Variants in PRKN observed in about 807,000 individuals in gnomAD.
PRKN encodes parkin RBR E3 ubiquitin protein ligase.
A neutral mutation model predicts 59.5 loss-of-function variants in PRKN; 56 were observed. The observed-to-expected ratio is 0.94, with a 90% CI of 0.76 to 1.18. The LOEUF is 1.18. Among genes scored for constraint, PRKN ranks in the 50% most tolerant of loss-of-function variants. The probability of loss-of-function intolerance (pLI) is 0.00; values close to 1 mark genes in which losing one functional copy is unlikely to be tolerated. For synonymous variants in PRKN, 250 were observed against 222.1 expected (o/e 1.13, Z -1.12); for missense variants, 657 against 596.4 (o/e 1.10, Z -1.06).
chr6:162,727,344 T>A, intron 1 of PRKN: 2 of 293,802 alleles, frequency 6.8e-6, no homozygotes, highest in East Asian at 9.7e-5. Flanking sequence ...GGAGAAGGCT[T>A]CGGGACCCCA....
At chr6:161,431,862 G>A (rs996222050) in intron 9 of PRKN, among the ~76,000 whole-genome samples, 2 of 152,066 alleles carry the variant, frequency 1.3e-5, no homozygotes, top group Admixed American at 6.5e-5. Flanking sequence ...ATCCACACCC[G>A]CCTTAGCCTC....
intron 1 of PRKN, among the ~76,000 whole-genome samples, chr6:162,604,728 C>A (rs576535207): frequency 1.4e-5 from 2 of 145,850 alleles, no homozygotes; most frequent in African/African-American, 2.5e-5. Flanking sequence ...TTAGACCCTG[C>A]CATTCATTTT....
At chr6:162,658,290 T>C (rs1037403975) in intron 1 of PRKN, among the ~76,000 whole-genome samples, 10 of 152,226 alleles carry the variant, frequency 6.6e-5, no homozygotes, top group African/African-American at 2.2e-4. Context: ...AATAAAATGC[T>C]TGTGAAGAGT....
At chr6:162,699,694 C>CAAT (rs1778085655) in intron 1 of PRKN, among the ~76,000 whole-genome samples, 1 of 152,052 alleles carries the variant, frequency 6.6e-6, no homozygotes, top group African/African-American at 2.4e-5. Flanking sequence ...ACTCTGAAGA[C>CAAT]AATACCCCAA....
chr6:161,794,635 C>A (rs1434229838), intron 6 of PRKN, among the ~76,000 whole-genome samples: 1 of 152,094 alleles, frequency 6.6e-6, no homozygotes, highest in East Asian at 1.9e-4. Context: ...GAATGTCTTT[C>A]CCTCTTTCCC....
rs376778863 is a variant in PRKN at position 162,436,613 on chromosome 6, CTCATT to C, written c.171+6692_171+6696del. On this transcript the variant is annotated intron_variant, in intron 2 of 11. Coordinates refer to ENST00000366898, the MANE Select transcript of PRKN (RefSeq NM_004562.3). ...GCATGAGCCACTGTGCCCGATCTGG[CTCATT>C]TATTTCCTAAAATTATAATGTATGA... is the stretch of plus-strand genomic sequence containing the variant. Among the ~76,000 whole-genome samples, 26 of 139,392 alleles carry C rather than the reference CTCATT, an allele frequency of 1.9e-4. No homozygotes were observed. The East Asian group carries it at 5.1e-3, about 27-fold the overall frequency. 91.4% of individuals were successfully genotyped at this position (139,392 alleles called of 152,430 possible).
At chr6:162,122,103 G>A (rs949517324) in intron 4 of PRKN, among the ~76,000 whole-genome samples, 5 of 152,148 alleles carry the variant, frequency 3.3e-5, no homozygotes, top group Non-Finnish European at 7.3e-5. Flanking sequence ...TCTCAAGGGG[G>A]TTCACTGCAG....
intron 2 of PRKN, among the ~76,000 whole-genome samples, chr6:162,328,073 C>A (rs1783381703): frequency 8.5e-6 from 1 of 116,982 alleles, no homozygotes; most frequent in South Asian, 2.9e-4. Flanking sequence ...TCAAACAGCA[C>A]CACTAGGTCG....
intron 1 of PRKN, among the ~76,000 whole-genome samples, chr6:162,572,364 A>T (rs1053446097): frequency 6.6e-6 from 1 of 152,220 alleles, no homozygotes; most frequent in Non-Finnish European, 1.5e-5. Flanking sequence ...CAGAAAACAT[A>T]TCCAAGACTT....
intron 5 of PRKN, among the ~76,000 whole-genome samples, chr6:161,976,344 G>T (rs1334846072): frequency 6.6e-6 from 1 of 152,152 alleles, no homozygotes; most frequent in African/African-American, 2.4e-5. Context: ...AATATCAGCC[G>T]GTCCTCACAC....
chr6:161,944,153 G>GGGACCAGCCTGAGGGATCAGC (rs1779695608), intron 6 of PRKN, among the ~76,000 whole-genome samples: 1 of 140,918 alleles, frequency 7.1e-6, no homozygotes, highest in African/African-American at 2.8e-5. Context: ...GAGGAATCTG[G>GGGACCAGCCTGAGGGATCAGC]CTGCAGGGAA....
intron 2 of PRKN, among the ~76,000 whole-genome samples, chr6:162,427,881 T>C (rs1789318037): frequency 6.6e-6 from 1 of 152,150 alleles, no homozygotes; most frequent in East Asian, 1.9e-4. Flanking sequence ...ACATAGTTGA[T>C]AATGACAAAT....
At chr6:161,489,484 C>T (rs558404605) in intron 9 of PRKN, among the ~76,000 whole-genome samples, 7 of 152,154 alleles carry the variant, frequency 4.6e-5, no homozygotes, top group East Asian at 1.9e-4. Flanking sequence ...ACTTGAACTC[C>T]GGAGGGCAGA....
chr6:162,596,445 A>G (rs1351942267), intron 1 of PRKN, among the ~76,000 whole-genome samples: 2 of 152,228 alleles, frequency 1.3e-5, no homozygotes, highest in Non-Finnish European at 2.9e-5. Flanking sequence ...CTATAATTTG[A>G]TAAGTAGATC....
chr6:161,594,465 C>T (rs549958212), intron 7 of PRKN, among the ~76,000 whole-genome samples: 34 of 152,302 alleles, frequency 2.2e-4, no homozygotes, highest in South Asian at 1.2e-3. Flanking sequence ...CACACCTCTT[C>T]CCTTTGAACA....
At chr6:162,032,723 A>G (rs960411561) in intron 5 of PRKN, among the ~76,000 whole-genome samples, 3 of 152,206 alleles carry the variant, frequency 2.0e-5, no homozygotes, top group African/African-American at 7.2e-5. Context: ...TTTCAGAGAA[A>G]GCATGGCTAG....
intron 7 of PRKN, among the ~76,000 whole-genome samples, chr6:161,619,219 C>G (rs1782801495): frequency 7.0e-6 from 1 of 143,638 alleles, no homozygotes; most frequent in Admixed American, 7.1e-5. Flanking sequence ...TAAAGCAAGC[C>G]TTTACAAAAA....
rs1178943344 is a variant in PRKN at position 161,395,093 on chromosome 6, T to A, written c.1084-8216A>T. On this transcript the variant is annotated intron_variant, in intron 9 of 11. Coordinates refer to ENST00000366898, the MANE Select transcript of PRKN (RefSeq NM_004562.3). The surrounding 1 kb of genome is among the most constrained non-coding windows in gnomAD (Gnocchi z 5.0). ...ACATTGTGAAAAATGTCTCCTTTCCTCCTTGGTCAGCTACATAGCTTCCCA... is the reference window on the plus strand; with the variant it reads ...ACATTGTGAAAAATGTCTCCTTTCCACCTTGGTCAGCTACATAGCTTCCCA... Among the ~76,000 whole-genome samples the A allele has an allele frequency of 1.3e-5, 2 of 152,202 alleles. No homozygotes were observed. The highest frequency in any genetic ancestry group is 2.9e-5 in the Non-Finnish European group (2 of 68,038).
At chr6:161,811,741 A>G (rs1791570955) in intron 6 of PRKN, among the ~76,000 whole-genome samples, 1 of 151,948 alleles carries the variant, frequency 6.6e-6, no homozygotes, top group African/African-American at 2.4e-5. Context: ...TGGCCAACAT[A>G]GTGAAACTCC....
Sources: allele counts gnomAD v4.1 joint callset (sites outside exome capture counted in the v4.1 genomes callset), GRCh38; gene constraint gnomAD v4.1.1; non-coding constraint Gnocchi (gnomAD v3.1); transcripts MANE v1.5; gene names NCBI Gene and HGNC (gene_info 2026-07-23, HGNC 2026-07-21).